The following PORCN variants were observed in gnomAD, a reference collection of about 807,000 sequenced individuals.
PORCN encodes protein-serine O-palmitoleoyltransferase porcupine.
PORCN carries 1 observed loss-of-function variant against 43.0 expected under a neutral mutation model. That is an observed-to-expected ratio of 0.02 (90% CI 0.01 to 0.11). The LOEUF (loss-of-function observed/expected upper bound fraction) is 0.11. Ranked by LOEUF, PORCN falls within the 10% of genes least tolerant of loss-of-function variation. The pLI, the probability that PORCN is intolerant of heterozygous loss-of-function variation, is 1.00. For missense variants in PORCN, 240 were observed against 392.1 expected, an observed-to-expected ratio of 0.61 and a Z score of 3.28; for synonymous variants, 148 against 166.4, an observed-to-expected ratio of 0.89 and a Z score of 0.85.
In PORCN at chrX:48,511,410, C is replaced by T. The variant is rs782307852; in HGVS notation, c.252C>T (p.Leu84=). 9 of 1,209,398 alleles carry T rather than the reference C, an allele frequency of 7.4e-6. No homozygotes were observed. In the South Asian group the frequency reaches 1.1e-4, roughly 14 times the overall value. Residue 84 remains leucine (L), a synonymous_variant, in exon 3 of 15, where the codon CTC becomes CTT. Coordinates refer to ENST00000326194, the MANE Select transcript of PORCN (RefSeq NM_203475.3). ...WVVLLSLLCY[L]VLFLCRHSSH... ...TGCTGCTCAGCCTCCTGTGCTACCT[C>T]GTGCTGTTCCTCTGCCGACATTCCT...
intron 14 of PORCN, among the ~76,000 whole-genome samples, chrX:48,517,916 ATT>A (rs35209138): frequency 1.5e-4 from 15 of 100,313 alleles, no homozygotes; most frequent in Admixed American, 2.2e-4. Context: ...AGACTTCTTA[ATT>A]TTTTTTTTTT....
chrX:48,515,002 A>G (rs781975982), intron 10 of PORCN, among the ~76,000 whole-genome samples: 2 of 111,240 alleles, frequency 1.8e-5, no homozygotes, highest in Non-Finnish European at 3.8e-5. Context: ...GCGCAGATAT[A>G]TGGGGGAGGA....
In PORCN at chrX:48,517,117, G is replaced by T. The variant is rs781917949; in HGVS notation, c.1174-66G>T. On this transcript the variant is annotated intron_variant, in intron 13 of 14. Transcript: ENST00000326194. ...CCCTGTGTGTCCCCTGGGCTCCCCC[G>T]TGCAGGAGGAGGTGGGACACAGTGA... 5.7e-6 allele frequency: 5 copies of T among 873,908 alleles called. No individual in the cohort carries two copies. The Admixed American group carries it at 1.3e-4, about 23-fold the overall frequency. The allele number at this position is 873,908 out of a possible 1,213,427, so 72.0% of individuals were successfully genotyped here.
At chrX:48,509,232 C>T in intron 1 of PORCN, 129 bp downstream of exon 1, 1 of 227,337 alleles carries the variant, frequency 4.4e-6, no homozygotes, top group Non-Finnish European at 8.4e-6. Context: ...CAGGCTATGT[C>T]TCCTACCACC....
chrX:48,509,538 G>A (rs782442194), intron 1 of PORCN: 19 of 1,065,218 alleles, frequency 1.8e-5, no homozygotes, highest in Non-Finnish European at 2.3e-5. Flanking sequence ...TCACAGCACT[G>A]GAGAGACAGA....
chrX:48,516,351 T>TC, intron 13 of PORCN: 1 of 467,264 alleles, frequency 2.1e-6, no homozygotes. Context: ...GGCATTCGTT[T>TC]CCCCCAGTGA....
At chrX:48,517,332 G>C (rs782614243) in intron 14 of PORCN, 39 bp downstream of exon 14, 1 of 945,634 alleles carries the variant, frequency 1.1e-6, no homozygotes, top group East Asian at 3.4e-5. Flanking sequence ...AACCAAGGGT[G>C]GCGCTATCTG....
intron 10 of PORCN, among the ~76,000 whole-genome samples, 153 bp downstream of exon 10, chrX:48,514,778 C>T (rs911973932): frequency 1.8e-5 from 2 of 109,141 alleles, no homozygotes; most frequent in Admixed American, 2.0e-4. Flanking sequence ...ATGATAAATA[C>T]GAGAAAAAAA....
chrX:48,514,047 C>T lies in PORCN; in HGVS notation c.705-80C>T, dbSNP rs916155325. On this transcript the variant is annotated intron_variant, in intron 7 of 14. Transcript: ENST00000326194. Reference sequence around the variant, plus strand: ...CTACATTTCATCTGTCTTGTCTGAACAATTCAGACCAGCCTCCAGGGCCTC... The same window carrying T: ...CTACATTTCATCTGTCTTGTCTGAATAATTCAGACCAGCCTCCAGGGCCTC... The T allele has an allele frequency of 4.6e-5, 51 of 1,109,056 alleles. No homozygotes were observed. In the African/African-American group the frequency reaches 8.1e-4, roughly 18 times the overall value. 91.4% of individuals were successfully genotyped at this position (1,109,056 alleles called of 1,213,427 possible).
chrX:48,511,821 C>T, intron 3 of PORCN, 71 bp from the exon 4 acceptor site: 1 of 1,025,697 alleles, frequency 9.7e-7, no homozygotes, highest in Non-Finnish European at 1.4e-6. Context: ...CCTTGGACCC[C>T]CTTCCCCTGT....
chrX:48,514,483 G>A (rs1556974778), intron 9 of PORCN, 42 bp from the exon 10 acceptor site: 1 of 1,192,070 alleles, frequency 8.4e-7, no homozygotes. Flanking sequence ...GGTCAGATGA[G>A]TTGAGATCCC....
chrX:48,509,581 C>A (rs2061659570), intron 1 of PORCN: 1 of 1,113,211 alleles, frequency 9.0e-7, no homozygotes, highest in Non-Finnish European at 1.2e-6. Flanking sequence ...ACAGGCTGTG[C>A]GTGTGCATGC....
chrX:48,513,472 C>T (rs1556974455), intron 7 of PORCN, among the ~76,000 whole-genome samples: 2 of 111,651 alleles, frequency 1.8e-5, no homozygotes, highest in African/African-American at 6.5e-5. Context: ...GGACTGACTG[C>T]CTCTAGTTTG....
intron 13 of PORCN, 109 bp downstream of exon 13, chrX:48,516,255 C>A: frequency 1.4e-6 from 1 of 707,777 alleles, no homozygotes; most frequent in Non-Finnish European, 2.2e-6. Context: ...CTTTTGGTGC[C>A]TGAGCCATCC....
rs782558992 is a variant in PORCN at position 48,515,782 on chromosome X, G to A, written c.1012G>A (p.Ala338Thr). ...SAVLVTYAAS[A>T]LLHGFSFHLA... Reference sequence around the variant, plus strand: ...TGTGCTGGTCACCTATGCAGCCAGCGCCCTCCTACATGTGAGCAGGGTGGA... The same window carrying A: ...TGTGCTGGTCACCTATGCAGCCAGCACCCTCCTACATGTGAGCAGGGTGGA... Residue 338 changes from alanine (A) to threonine (T), a missense_variant, in exon 11 of 15, where the codon GCC becomes ACC. Transcript: ENST00000326194. 1.8e-5 allele frequency: 22 copies of A among 1,205,520 alleles called. No individual in the cohort carries two copies. Among genetic ancestry groups the A allele is most frequent in the South Asian group, 3.5e-5 (2 of 56,609 alleles).
At chrX:48,517,917 T>A (rs1275314147) in intron 14 of PORCN, among the ~76,000 whole-genome samples, 1 of 84,920 alleles carries the variant, frequency 1.2e-5, no homozygotes, top group Non-Finnish European at 2.3e-5. Flanking sequence ...GACTTCTTAA[T>A]TTTTTTTTTT....
intron 7 of PORCN, among the ~76,000 whole-genome samples, chrX:48,513,758 G>A (rs782483737): frequency 7.1e-5 from 8 of 112,186 alleles, no homozygotes; most frequent in Non-Finnish European, 1.3e-4. Context: ...CCCAGCTCAG[G>A]GATTTTTGGC....
chrX:48,518,153 A>G (rs1173482714), intron 14 of PORCN, among the ~76,000 whole-genome samples: 3 of 109,347 alleles, frequency 2.7e-5, no homozygotes, highest in African/African-American at 1.0e-4. Flanking sequence ...GGCTCAAGCA[A>G]TCCCCTTGCC....
Position 48,514,757 on chromosome X carries a change from T to C in PORCN, c.946+132T>C. On this transcript the variant is annotated intron_variant, in intron 10 of 14. Coordinates refer to ENST00000326194, the MANE Select transcript of PORCN (RefSeq NM_203475.3). ...TACCCTTGTCGAGCTGCAGTTCTCCTGGGGGGGCAGATGATAAATACGAGA... is the reference window on the plus strand; with the variant it reads ...TACCCTTGTCGAGCTGCAGTTCTCCCGGGGGGGCAGATGATAAATACGAGA... The C allele has an allele frequency of 9.3e-6, 5 of 539,765 alleles. 1 individual carries two copies. In the Admixed American group the frequency reaches 1.1e-4, roughly 11 times the overall value. The allele number at this position is 539,765 out of a possible 1,213,427, so 44.5% of individuals were successfully genotyped here.
Sources: gnomAD v4.1 joint callset for allele counts (sites outside exome capture counted in the v4.1 genomes callset) on GRCh38, gnomAD v4.1.1 for gene constraint, MANE v1.5 for transcripts, NCBI Gene and HGNC (gene_info 2026-07-23, HGNC 2026-07-21) for gene names.